Variants in ZC3HAV1 observed in about 807,000 individuals in gnomAD.
The protein encoded by ZC3HAV1 is zinc finger CCCH-type antiviral protein 1.
Under a neutral mutation model 86.6 loss-of-function variants are expected in ZC3HAV1, and 41 were observed. The observed-to-expected ratio is 0.47, with a 90% confidence interval of 0.37 to 0.61. The LOEUF is 0.61. Among genes scored for constraint, ZC3HAV1 ranks in the 20% least tolerant of loss-of-function variants. The pLI is 0.00. For synonymous variants in ZC3HAV1, 421 were observed against 432.1 expected (o/e 0.97, Z 0.32); for missense variants, 964 against 1,141.1 (o/e 0.84, Z 2.24).
intron 3 of ZC3HAV1, among the ~76,000 whole-genome samples, chr7:139,082,259 ACT>A (rs1185538251): frequency 6.6e-6 from 1 of 151,670 alleles, no homozygotes; most frequent in Non-Finnish European, 1.5e-5. Context: ...ACAGAGTGAG[ACT>A]CTGTCTCAAA....
intron 11 of ZC3HAV1, 137 bp from the exon 12 acceptor site, chr7:139,053,718 C>T: frequency 8.3e-7 from 1 of 1,202,984 alleles, no homozygotes. Flanking sequence ...AACTTTAAGG[C>T]AGCAGCTGTA....
intron 4 of ZC3HAV1, chr7:139,079,113 A>G (rs1353020071): frequency 1.3e-6 from 2 of 1,536,004 alleles, no homozygotes; most frequent in Admixed American, 2.0e-5. Context: ...CACTGAGCAG[A>G]GCCTGTTGTC....
chr7:139,102,392 A>T (rs757087033), intron 1 of ZC3HAV1, among the ~76,000 whole-genome samples: 2 of 152,188 alleles, frequency 1.3e-5, no homozygotes, highest in Non-Finnish European at 2.9e-5. Context: ...GGCCTCTTGA[A>T]GTACTGGGAT....
chr7:139,100,510 G>C (rs1187430987), intron 1 of ZC3HAV1, among the ~76,000 whole-genome samples: 6 of 151,892 alleles, frequency 4.0e-5, no homozygotes, highest in African/African-American at 1.5e-4. Context: ...CTCCAGCCTG[G>C]GCGACAGACC....
In ZC3HAV1 at chr7:139,083,773, C is replaced by A; in HGVS notation, c.697+7G>T. 6.3e-7 allele frequency: 1 copy of A among 1,597,490 alleles called. No individual in the cohort carries two copies. ...GTTCACACAATTGAAAAAGAAAAGGCCTTTACCTCTGGGCCCTGGGGGATT... is the reference window on the plus strand; with the variant it reads ...GTTCACACAATTGAAAAAGAAAAGGACTTTACCTCTGGGCCCTGGGGGATT... On this transcript the variant is annotated splice_region_variant and intron_variant, in intron 3 of 12. Coordinates refer to ENST00000242351, the MANE Select transcript of ZC3HAV1 (RefSeq NM_020119.4).
rs1273703617 is a variant in ZC3HAV1 at position 139,108,987 on chromosome 7, G to A, written c.308+37C>T. 14 of 1,507,348 alleles carry A rather than the reference G, an allele frequency of 9.3e-6. No individual in the cohort carries two copies. Among genetic ancestry groups the A allele is most frequent in the Non-Finnish European group, 1.2e-5 (13 of 1,118,724 alleles). 93.4% of individuals were successfully genotyped at this position (1,507,348 alleles called of 1,614,324 possible). A position where few individuals can be genotyped will look rare whatever the true frequency, so the allele number is the denominator to read the frequency against. The stretch of plus-strand genomic sequence containing the variant: ...CGCCTGGACAGTCCACCCCGACCAC[G>A]GCTGCGGACAGCGCCCCTCCCTCCG... On this transcript the variant is annotated intron_variant, in intron 1 of 12. Transcript: ENST00000242351. The surrounding 1 kb of genome is among the most constrained non-coding windows in gnomAD (Gnocchi z 4.2).
rs375847014 is a variant in ZC3HAV1 at position 139,053,522 on chromosome 7, T to C, written c.2378A>G (p.Tyr793Cys). 2 of 1,605,612 alleles carry C rather than the reference T, an allele frequency of 1.2e-6. No individual in the cohort carries two copies. Among genetic ancestry groups the C allele is most frequent in the African/African-American group, 1.3e-5 (1 of 74,574 alleles). ...ATTATTCGAACAGATAGATTCCACA[T>C]AGGCACGGCTTGTCGCATAAAATAG... ...KLLFYATSRA[Y>C]VESICSNNFD... is the part of the protein sequence containing the mutation. Residue 793 changes from tyrosine to cysteine, a missense_variant, in exon 12 of 13, where the codon TAT (tyrosine) becomes TGT (cysteine). Physicochemically the swap from Tyr to Cys is radical, Grantham distance 194. Transcript: ENST00000242351.
At chr7:139,082,018 A>AC (rs2130708819) in intron 3 of ZC3HAV1, among the ~76,000 whole-genome samples, 1 of 152,354 alleles carries the variant, frequency 6.6e-6, no homozygotes, top group Non-Finnish European at 1.5e-5. Context: ...TAATCCCAGC[A>AC]CTTTGGGAGG....
chr7:139,072,632 A>C (rs1168675521), intron 7 of ZC3HAV1, among the ~76,000 whole-genome samples: 1 of 152,178 alleles, frequency 6.6e-6, no homozygotes, highest in Non-Finnish European at 1.5e-5. Flanking sequence ...AGACAGAAGG[A>C]CAGAGGCTCT....
intron 1 of ZC3HAV1, among the ~76,000 whole-genome samples, chr7:139,097,411 TATATATATATATATA>T (rs1817623178): frequency 3.8e-5 from 3 of 79,504 alleles, no homozygotes; most frequent in African/African-American, 7.2e-5. Flanking sequence ...CATATATATA[TATATATATATATATA>T]TATTTTTTTT....
At chr7:139,089,052 A>G (rs1038752275) in intron 2 of ZC3HAV1, among the ~76,000 whole-genome samples, 8 of 147,898 alleles carry the variant, frequency 5.4e-5, no homozygotes, top group Non-Finnish European at 7.4e-5. Flanking sequence ...CAGTGAGCTA[A>G]GATCGTGCCA....
chr7:139,105,048 A>G (rs964817438), intron 1 of ZC3HAV1, among the ~76,000 whole-genome samples: 11 of 151,172 alleles, frequency 7.3e-5, no homozygotes, highest in Middle Eastern at 3.2e-3. Flanking sequence ...AAAAAAAAAA[A>G]AAAAAGAAAA....
Position 139,064,836 on chromosome 7 carries a change from C to T in ZC3HAV1, c.1993+43G>A, listed in dbSNP as rs75367132. 1.4e-5 allele frequency: 22 copies of T among 1,613,442 alleles called. No individual in the cohort carries two copies. The East Asian group carries it at 1.8e-4, about 13-fold the overall frequency. Reference sequence around the variant, plus strand: ...CCCACTCCCACGTGTACACTGCAGGCGGATTTCAATGACACACAACACTGC... The same window carrying T: ...CCCACTCCCACGTGTACACTGCAGGTGGATTTCAATGACACACAACACTGC... On this transcript the variant is annotated intron_variant, in intron 8 of 12. Coordinates refer to ENST00000242351, the MANE Select transcript of ZC3HAV1 (RefSeq NM_020119.4).
intron 8 of ZC3HAV1, among the ~76,000 whole-genome samples, chr7:139,063,620 A>G (rs1374431794): frequency 6.8e-6 from 1 of 148,054 alleles, no homozygotes; most frequent in Admixed American, 6.9e-5. Context: ...GTTAGTTGGG[A>G]GGCTGAGGTG....
At chr7:139,072,255 G>A (rs191209183) in intron 7 of ZC3HAV1, among the ~76,000 whole-genome samples, 22 of 151,534 alleles carry the variant, frequency 1.5e-4, no homozygotes, top group Non-Finnish European at 2.2e-4. Flanking sequence ...GTGCAATCTC[G>A]GCTCACTGCA....
intron 1 of ZC3HAV1, among the ~76,000 whole-genome samples, chr7:139,100,291 G>A (rs1482471500): frequency 6.6e-6 from 1 of 152,116 alleles, no homozygotes; most frequent in African/African-American, 2.4e-5. Flanking sequence ...CAGCACTTTG[G>A]GAGGCCAAGG....
chr7:139,103,122 C>T (rs1268731092), intron 1 of ZC3HAV1, among the ~76,000 whole-genome samples: 2 of 150,874 alleles, frequency 1.3e-5, no homozygotes, highest in Admixed American at 6.6e-5. Context: ...TCACTGTAAC[C>T]TCAAAATTCC....
chr7:139,089,017 G>T (rs998761716), intron 2 of ZC3HAV1, among the ~76,000 whole-genome samples: 6 of 144,762 alleles, frequency 4.1e-5, no homozygotes, highest in Non-Finnish European at 7.4e-5. Flanking sequence ...CAGGAGAATT[G>T]CTTAAACCTG....
intron 2 of ZC3HAV1, among the ~76,000 whole-genome samples, chr7:139,089,101 C>CAAAAAA (rs1195760878): frequency 9.7e-5 from 2 of 20,686 alleles, no homozygotes; most frequent in Non-Finnish European, 1.8e-4. Context: ...GACTCCATCT[C>CAAAAAA]AAAAAAAAAA....
Sources: allele counts gnomAD v4.1 joint callset (sites outside exome capture counted in the v4.1 genomes callset), GRCh38; gene constraint gnomAD v4.1.1; non-coding constraint Gnocchi (gnomAD v3.1); transcripts MANE v1.5; gene names NCBI Gene and HGNC (gene_info 2026-07-23, HGNC 2026-07-21).